C12orf42: variants seen among roughly 807,000 people sequenced by gnomAD.
C12orf42 encodes uncharacterized protein C12orf42.
In C12orf42, 25 loss-of-function variants were observed where a neutral mutation model predicts 21.6. That is an observed-to-expected ratio of 1.16 (90% confidence interval 0.84 to 1.62). The LOEUF (loss-of-function observed/expected upper bound fraction) is 1.62, where lower values mean the gene tolerates loss of function less well. Ranked by LOEUF, C12orf42 falls within the 40% of genes most tolerant of loss-of-function variation. C12orf42 has a pLI of 0.00. For synonymous variants in C12orf42, 174 were observed against 175.0 expected, an observed-to-expected ratio of 0.99 and a Z score of 0.05; for missense variants, 483 against 459.3, an observed-to-expected ratio of 1.05 and a Z score of -0.47.
chr12:103,497,538 A>G (rs1955595161), upstream of C12orf42, among the ~76,000 whole-genome samples: 1 of 152,230 alleles, frequency 6.6e-6, no homozygotes, highest in Non-Finnish European at 1.5e-5. Context: ...ACAGAGGTGC[A>G]GCTTTGCACA....
At chr12:103,347,516 T>C (rs185163113) in intron 4 of C12orf42, among the ~76,000 whole-genome samples, 9 of 152,224 alleles carry the variant, frequency 5.9e-5, no homozygotes, top group Admixed American at 5.9e-4. Flanking sequence ...CTTTTATAGA[T>C]GCTAAGAAAT....
At chr12:103,442,406 A>AC (rs1951305522) in intron 2 of C12orf42, among the ~76,000 whole-genome samples, 1 of 152,166 alleles carries the variant, frequency 6.6e-6, no homozygotes, top group Non-Finnish European at 1.5e-5. Context: ...GCAAGTCAAC[A>AC]ACAGGTTGCT....
chr12:103,146,115 C>T, the C12orf42 span, among the ~76,000 whole-genome samples: 4 of 151,732 alleles, frequency 2.6e-5, no homozygotes, highest in Non-Finnish European at 1.5e-5. Flanking sequence ...ATACATACTA[C>T]AATAATATAT....
intron 1 of C12orf42, among the ~76,000 whole-genome samples, chr12:103,489,822 C>G (rs1305407475): frequency 6.6e-6 from 1 of 152,234 alleles, no homozygotes; most frequent in East Asian, 1.9e-4. Flanking sequence ...AGTATTTGGG[C>G]AGGAGTGTCC....
chr12:103,493,288 A>G, intron 1 of C12orf42, among the ~76,000 whole-genome samples: 1 of 152,164 alleles, frequency 6.6e-6, no homozygotes, highest in East Asian at 1.9e-4. Context: ...TCATCTTGCA[A>G]TATTCTCCCC....
the C12orf42 span, among the ~76,000 whole-genome samples, chr12:103,054,158 C>T: frequency 1.3e-5 from 2 of 151,790 alleles, no homozygotes. Flanking sequence ...TTGCATTGAA[C>T]CTATAAATCA....
the C12orf42 span, among the ~76,000 whole-genome samples, chr12:103,136,533 GTCCTA>G: frequency 0.012 from 1,812 of 152,190 alleles, 32 homozygotes; most frequent in African/African-American, 0.04. Context: ...TAGAAAAACA[GTCCTA>G]AAATGTATAC....
chr12:103,470,102 C>T (rs573125634), intron 2 of C12orf42, among the ~76,000 whole-genome samples: 1 of 152,266 alleles, frequency 6.6e-6, no homozygotes, highest in South Asian at 2.1e-4. Context: ...ATTTCCCATC[C>T]CAGCGTTCCT....
At chr12:103,249,441 C>T (rs2034173704) in intron 10 of C12orf42, among the ~76,000 whole-genome samples, 1 of 151,964 alleles carries the variant, frequency 6.6e-6, no homozygotes, top group Non-Finnish European at 1.5e-5. Context: ...CCAGCTGGTC[C>T]AGAATCTCGA....
chr12:103,209,438 C>T, the C12orf42 span, among the ~76,000 whole-genome samples: 1 of 152,184 alleles, frequency 6.6e-6, no homozygotes, highest in Non-Finnish European at 1.5e-5. Context: ...CTGTGTAAGT[C>T]AGCACCTTTT....
At chr12:103,375,694 C>T (rs2045632932) in intron 3 of C12orf42, among the ~76,000 whole-genome samples, 1 of 152,060 alleles carries the variant, frequency 6.6e-6, no homozygotes, top group Non-Finnish European at 1.5e-5. Flanking sequence ...TAATTAATAA[C>T]ATAGTTATAA....
chr12:103,153,797 T>C, the C12orf42 span, among the ~76,000 whole-genome samples: 2 of 152,160 alleles, frequency 1.3e-5, no homozygotes, highest in East Asian at 3.9e-4. Flanking sequence ...CATCAGTTTC[T>C]CTACTAACTG....
chr12:103,206,821 A>G, the C12orf42 span, among the ~76,000 whole-genome samples: 2 of 152,128 alleles, frequency 1.3e-5, no homozygotes, highest in Non-Finnish European at 2.9e-5. Flanking sequence ...CATCCATAAT[A>G]TGATGGTCTT....
chr12:103,287,008 C>T lies in C12orf42; in HGVS notation n.338-9798G>A, dbSNP rs147362157. On this transcript the variant is annotated intron_variant and non_coding_transcript_variant, in intron 4 of 6. Coordinates refer to the C12orf42 transcript ENST00000546526. ...GCAAATCAAAACCACAATGAGATAC[C>T]ATCTCACACCAGTTAGAATGGCGAT... Among the ~76,000 whole-genome samples, 1,176 of 151,418 alleles carry T rather than the reference C, an allele frequency of 7.8e-3. 7 individuals are homozygous for T. Among genetic ancestry groups the T allele is most frequent in the African/African-American group, 0.027 (1,112 of 41,226 alleles).
intron 10 of C12orf42, among the ~76,000 whole-genome samples, chr12:103,241,862 T>A (rs964326412): frequency 6.6e-6 from 1 of 152,194 alleles, no homozygotes; most frequent in Non-Finnish European, 1.5e-5. Context: ...TTTAAGACTA[T>A]TTAGCCTGTG....
At chr12:103,101,186 T>C in the C12orf42 span, among the ~76,000 whole-genome samples, 3 of 152,210 alleles carry the variant, frequency 2.0e-5, no homozygotes, top group Non-Finnish European at 4.4e-5. Flanking sequence ...TCTCTCTCTT[T>C]TGAGTAGCAT....
intron 2 of C12orf42, among the ~76,000 whole-genome samples, chr12:103,454,734 C>T (rs1952175601): frequency 6.6e-6 from 1 of 152,144 alleles, no homozygotes; most frequent in South Asian, 2.1e-4. Flanking sequence ...AAATCATCAG[C>T]TTGTTTCTTG....
chr12:103,466,251 A>G (rs1464420787), intron 2 of C12orf42, among the ~76,000 whole-genome samples: 1 of 152,070 alleles, frequency 6.6e-6, no homozygotes, highest in Non-Finnish European at 1.5e-5. Flanking sequence ...TTGGTAAGCT[A>G]TTTATTACTG....
intron 4 of C12orf42, among the ~76,000 whole-genome samples, chr12:103,346,190 A>T (rs1406063456): frequency 6.6e-6 from 1 of 152,188 alleles, no homozygotes; most frequent in African/African-American, 2.4e-5. Context: ...GACTGTAATC[A>T]CTTTCCTTAA....
Sources: gnomAD v4.1 joint callset for allele counts (sites outside exome capture counted in the v4.1 genomes callset) on GRCh38, gnomAD v4.1.1 for gene constraint, MANE v1.5 for transcripts, NCBI Gene and HGNC (gene_info 2026-07-23, HGNC 2026-07-21) for gene names.